Variants in ALG5 observed in about 807,000 individuals in gnomAD.
ALG5 encodes the protein dolichyl-phosphate beta-glucosyltransferase.
ALG5 carries 26 observed loss-of-function variants against 51.8 expected under a neutral mutation model. That is an observed-to-expected ratio of 0.50 (90% CI 0.37 to 0.70). The LOEUF (loss-of-function observed/expected upper bound fraction) is 0.70, where lower values mean the gene tolerates loss of function less well. Ranked by LOEUF, ALG5 falls within the 30% of genes least tolerant of loss-of-function variation. The probability of loss-of-function intolerance (pLI) is 0.00; values close to 1 mark genes in which losing one functional copy is unlikely to be tolerated. For missense variants in ALG5, 311 were observed against 399.3 expected (o/e 0.78, Z 1.88); for synonymous variants, 141 against 136.1 (o/e 1.04, Z -0.25).
At position 36,977,790 on chromosome 13, in the gene ALG5, C is replaced by CAAAAAAAAAAAAAAA. The variant is rs869027711; in HGVS notation, c.562-5769_562-5755dup. Among the ~76,000 whole-genome samples, 3 of 39,168 alleles carry CAAAAAAAAAAAAAAA rather than the reference C, an allele frequency of 7.7e-5. 1 individual carries two copies. Among genetic ancestry groups the CAAAAAAAAAAAAAAA allele is most frequent in the African/African-American group, 4.0e-4 (3 of 7,416 alleles). The allele number at this position is 39,168 out of a possible 152,430, so 25.7% of individuals were successfully genotyped here. A position where few individuals can be genotyped will look rare whatever the true frequency, so the allele number is the denominator to read the frequency against. ...CTGGGCGACAGAGTGAGACTGTCTC[C>CAAAAAAAAAAAAAAA]AAAAAAAAAAAAAAAAAAAAAAAAC... is the stretch of plus-strand genomic sequence containing the variant. On this transcript the variant is annotated intron_variant, in intron 6 of 9. Transcript: ENST00000239891.
At chr13:36,995,901 G>T (rs1255292385) in intron 1 of ALG5, among the ~76,000 whole-genome samples, 1 of 152,140 alleles carries the variant, frequency 6.6e-6, no homozygotes, top group Admixed American at 6.5e-5. Context: ...GTCACTACAG[G>T]AAGACCAGTC....
Position 36,965,577 on chromosome 13 carries a change from T to C in ALG5, c.771A>G (p.Arg257=), listed in dbSNP as rs760349228. ...SRTFSSLHVE[R]WAFDVELLYI... ...ATACATTCCAGTCAGAAACCTACCA[T>C]CGTTCAACGTGTAGAGATGAAAACG... The change falls in exon 8 of 10, where the codon CGA becomes CGG. Residue 257 remains arginine (R), a splice_region_variant and synonymous_variant. Coordinates refer to ENST00000239891, the MANE Select transcript of ALG5 (RefSeq NM_013338.5). 1 of 1,613,138 alleles carries C rather than the reference T, an allele frequency of 6.2e-7. No homozygotes were observed. Among genetic ancestry groups the C allele is most frequent in the Non-Finnish European group, 8.5e-7 (1 of 1,179,582 alleles).
chr13:36,997,148 G>T (rs997180218), intron 1 of ALG5, among the ~76,000 whole-genome samples: 2 of 152,156 alleles, frequency 1.3e-5, no homozygotes, highest in African/African-American at 2.4e-5. Flanking sequence ...CAAATTGTGA[G>T]AAGTTCTACA....
At chr13:36,992,910 C>G (rs940664708) in intron 4 of ALG5, among the ~76,000 whole-genome samples, 2 of 152,126 alleles carry the variant, frequency 1.3e-5, no homozygotes, top group Non-Finnish European at 2.9e-5. Flanking sequence ...CAATTGCTAA[C>G]CCCTCCCTTG....
chr13:36,993,771 G>T, intron 3 of ALG5, 99 bp from the exon 4 acceptor site: 1 of 900,300 alleles, frequency 1.1e-6, no homozygotes, highest in Non-Finnish European at 1.8e-6. Flanking sequence ...CTTTAGTGTT[G>T]ATACATATAA....
chr13:36,997,184 G>T (rs2059054528), intron 1 of ALG5, among the ~76,000 whole-genome samples: 1 of 152,048 alleles, frequency 6.6e-6, no homozygotes, highest in South Asian at 2.1e-4. Context: ...TTAAAGACAA[G>T]GAAAAAGGCC....
intron 6 of ALG5, among the ~76,000 whole-genome samples, chr13:36,974,579 T>C (rs9547709): frequency 0.37 from 55,897 of 151,908 alleles, 11,287 homozygotes; most frequent in Non-Finnish European, 0.46. Flanking sequence ...TTAAAGTTTA[T>C]TGTTTTTATA....
At chr13:36,961,361 G>A (rs2058865964) in intron 8 of ALG5, among the ~76,000 whole-genome samples, 1 of 152,160 alleles carries the variant, frequency 6.6e-6, no homozygotes. Flanking sequence ...GCTGCAGTGA[G>A]CCATGTTCAC....
At chr13:36,976,475 CG>C (rs760725739) in intron 6 of ALG5, among the ~76,000 whole-genome samples, 2 of 147,396 alleles carry the variant, frequency 1.4e-5, no homozygotes, top group East Asian at 4.0e-4. Flanking sequence ...TAGCTGGGCA[CG>C]GTGGTTCATG....
chr13:36,989,369 T>G, intron 5 of ALG5, 115 bp downstream of exon 5: 1 of 700,184 alleles, frequency 1.4e-6, no homozygotes. Flanking sequence ...TAAAATTATG[T>G]TATCACTAAC....
intron 6 of ALG5, among the ~76,000 whole-genome samples, chr13:36,974,188 T>C (rs2058939179): frequency 2.0e-5 from 3 of 150,924 alleles, no homozygotes; most frequent in African/African-American, 5.0e-5. Flanking sequence ...GTACCACACT[T>C]TGCAATTTAA....
At position 36,979,268 on chromosome 13, in the gene ALG5, G is replaced by A. The variant is rs1298990585; in HGVS notation, c.561+6359C>T. Among the ~76,000 whole-genome samples, 3 of 152,074 alleles carry A rather than the reference G, an allele frequency of 2.0e-5. No individual in the cohort carries two copies. The East Asian group carries it at 5.8e-4, about 29-fold the overall frequency. On this transcript the variant is annotated intron_variant, in intron 6 of 9. Coordinates refer to ENST00000239891, the MANE Select transcript of ALG5 (RefSeq NM_013338.5). ...CCTGTCCTCAGGTTCCCAAAGTGCT[G>A]GTATTACAGGGATGAGCCACTGTGC...
chr13:36,989,538 T>C lies in ALG5; in HGVS notation c.393A>G (p.Lys131=). 6.2e-7 allele frequency: 1 copy of C among 1,612,924 alleles called. No homozygotes were observed. The highest frequency in any genetic ancestry group is 1.1e-5 in the South Asian group (1 of 90,764). The change falls in exon 5 of 10, where the codon AAA becomes AAG. Residue 131 remains lysine, a synonymous_variant. Coordinates refer to ENST00000239891, the MANE Select transcript of ALG5 (RefSeq NM_013338.5). ...TCTTCACCAGGGTTATCACACGTACTTTGTCACTTCCATATTTCTGGCAAT... is the reference window on the plus strand; with the variant it reads ...TCTTCACCAGGGTTATCACACGTACCTTGTCACTTCCATATTTCTGGCAAT... ...FKYCQKYGSD[K]VRVITLVKNR...
At chr13:36,977,891 A>T (rs1360730582) in intron 6 of ALG5, among the ~76,000 whole-genome samples, 4 of 128,014 alleles carry the variant, frequency 3.1e-5, no homozygotes, top group Non-Finnish European at 4.8e-5. Context: ...CTTTCTCAGT[A>T]TTTTTTTTTT....
At chr13:36,997,906 C>A (rs1231971307) in intron 1 of ALG5, among the ~76,000 whole-genome samples, 2 of 152,086 alleles carry the variant, frequency 1.3e-5, no homozygotes, top group East Asian at 3.8e-4. Context: ...CTAAGTTTCA[C>A]TAGTTGTGCA....
At chr13:36,993,248 G>A (rs1009630169) in intron 4 of ALG5, among the ~76,000 whole-genome samples, 2 of 152,226 alleles carry the variant, frequency 1.3e-5, no homozygotes, top group Admixed American at 1.3e-4. Context: ...TGGTACGAAA[G>A]CAGCTTTCTA....
At chr13:36,967,019 T>A (rs956107151) in intron 7 of ALG5, among the ~76,000 whole-genome samples, 1 of 151,726 alleles carries the variant, frequency 6.6e-6, no homozygotes, top group African/African-American at 2.4e-5. Context: ...GGTCAGGGGT[T>A]CAAGACCAGC....
At chr13:36,960,617 A>G (rs1227703514) in intron 8 of ALG5, among the ~76,000 whole-genome samples, 1 of 151,798 alleles carries the variant, frequency 6.6e-6, no homozygotes, top group Non-Finnish European at 1.5e-5. Context: ...GGCTCAAGCT[A>G]TCCTCCTGCC....
At chr13:36,957,359 C>T (rs763785818) in intron 8 of ALG5, among the ~76,000 whole-genome samples, 30 of 151,722 alleles carry the variant, frequency 2.0e-4, no homozygotes, top group Non-Finnish European at 4.0e-4. Context: ...GAGGCCTTCC[C>T]TTGTAGGACA....
Sources: allele counts gnomAD v4.1 joint callset (sites outside exome capture counted in the v4.1 genomes callset), GRCh38; gene constraint gnomAD v4.1.1; transcripts MANE v1.5; gene names NCBI Gene and HGNC (gene_info 2026-07-23, HGNC 2026-07-21).